SPTBN1: variants seen among roughly 807,000 people sequenced by gnomAD.
SPTBN1 encodes spectrin beta, non-erythrocytic 1.
Under a neutral mutation model 266.4 loss-of-function variants are expected in SPTBN1, and 32 were observed. The ratio of observed to expected loss-of-function variants is 0.12; its 90% CI spans 0.09 to 0.16. SPTBN1 has a LOEUF of 0.16. SPTBN1 is among the 10% of genes least tolerant of loss of function. The pLI is 1.00. For synonymous variants in SPTBN1, 1,336 were observed against 1,162.2 expected (o/e 1.15, Z -3.04); for missense variants, 2,296 against 3,067.1 (o/e 0.75, Z 5.94).
At chr2:54,640,797 C>G (rs981261574) in intron 18 of SPTBN1, among the ~76,000 whole-genome samples, 2 of 152,338 alleles carry the variant, frequency 1.3e-5, no homozygotes, top group East Asian at 3.9e-4. Context: ...AGTGACCCAC[C>G]CGCCTTGGCC....
At position 54,618,212 on chromosome 2, in the gene SPTBN1, A is replaced by G; in HGVS notation, c.763+19A>G. The G allele has an allele frequency of 6.2e-7, 1 of 1,603,896 alleles. No homozygotes were observed. The highest frequency in any genetic ancestry group is 1.1e-5 in the South Asian group (1 of 90,852). On this transcript the variant is annotated intron_variant, in intron 7 of 35. Transcript: ENST00000356805. ...CCCGAAGGTAGGGACTCAAGGGATT[A>G]CAGGTGGGATTTTTAGCATCTGTAC...
chr2:54,578,419 C>T (rs1165065136), intron 2 of SPTBN1, among the ~76,000 whole-genome samples: 6 of 152,116 alleles, frequency 3.9e-5, no homozygotes, highest in Non-Finnish European at 7.3e-5. Context: ...TGTGATGTCC[C>T]TGTGTGAATA....
intron 3 of SPTBN1, among the ~76,000 whole-genome samples, chr2:54,609,326 C>T (rs777464291): frequency 3.9e-5 from 6 of 152,218 alleles, no homozygotes; most frequent in Admixed American, 6.5e-5. Flanking sequence ...ACCTTCACCC[C>T]TCTACCTTTT....
In SPTBN1 at chr2:54,671,313, G is replaced by A. The variant is rs1290980373; in HGVS notation, c.*2744G>A. On this transcript the variant is annotated 3_prime_UTR_variant, in exon 36 of 36. Transcript: ENST00000356805. The stretch of plus-strand genomic sequence containing the variant: ...TAGGTGAAACACTGTATCAGACTGG[G>A]TGATGGGCACATTGTCATTTCACCA... 2 of 152,334 alleles carry A rather than the reference G, an allele frequency of 1.3e-5. No homozygotes were observed. The highest frequency in any genetic ancestry group is 2.9e-5 in the Non-Finnish European group (2 of 68,160). 9.4% of individuals were successfully genotyped at this position (152,334 alleles called of 1,614,324 possible).
intron 18 of SPTBN1, among the ~76,000 whole-genome samples, chr2:54,642,536 T>TTG (rs1558460711): frequency 6.6e-6 from 1 of 151,544 alleles, no homozygotes; most frequent in African/African-American, 2.4e-5. Flanking sequence ...GTAGTTTTTT[T>TTG]TTTTTTTTTT....
At chr2:54,622,239 C>A in intron 8 of SPTBN1, 61 bp from the exon 9 acceptor site, 10 of 1,479,464 alleles carry the variant, frequency 6.8e-6, no homozygotes, top group Non-Finnish European at 8.3e-6. Context: ...TATAGGGTTA[C>A]AATCGTATTT....
At chr2:54,459,466 T>A (rs1471944340) in intron 1 of SPTBN1, among the ~76,000 whole-genome samples, 2 of 152,236 alleles carry the variant, frequency 1.3e-5, no homozygotes, top group Non-Finnish European at 2.9e-5. Context: ...CATGTGGAAG[T>A]ACTATTTTGA....
chr2:54,522,323 T>C (rs1218589584), intron 1 of SPTBN1, among the ~76,000 whole-genome samples: 2 of 152,108 alleles, frequency 1.3e-5, no homozygotes, highest in Non-Finnish European at 2.9e-5. Flanking sequence ...ACAAGAATTA[T>C]CACTTACTTA....
At chr2:54,525,806 C>G (rs570610478) in intron 1 of SPTBN1, among the ~76,000 whole-genome samples, 13 of 152,306 alleles carry the variant, frequency 8.5e-5, no homozygotes, top group South Asian at 2.1e-4. Context: ...TATCGGCTCA[C>G]TACAACCTCC....
rs1674061699 is a variant in SPTBN1 at position 54,571,469 on chromosome 2, C to T, written c.149-27623C>T. On this transcript the variant is annotated intron_variant, in intron 2 of 35. Coordinates refer to ENST00000356805, the MANE Select transcript of SPTBN1 (RefSeq NM_003128.3). ...AAACATTCCACATCCGGGGAATCTT[C>T]CTCAGTCCCAGGCACACTGGGTGGT... is the stretch of plus-strand genomic sequence containing the variant. 2.6e-5 allele frequency among the ~76,000 whole-genome samples: 4 copies of T among 151,932 alleles called. No homozygotes were observed. The South Asian group carries it at 8.3e-4, about 32-fold the overall frequency.
At chr2:54,585,359 C>A (rs1420869018) in intron 2 of SPTBN1, among the ~76,000 whole-genome samples, 3 of 152,148 alleles carry the variant, frequency 2.0e-5, no homozygotes, top group African/African-American at 4.8e-5. Context: ...ATGGTGCTAC[C>A]CTGCCTGTTG....
chr2:54,603,828 TTA>T (rs1176618401), intron 3 of SPTBN1, among the ~76,000 whole-genome samples: 1 of 152,152 alleles, frequency 6.6e-6, no homozygotes, highest in Non-Finnish European at 1.5e-5. Flanking sequence ...CTATGTTTAA[TTA>T]AAAGAAAAAA....
rs1558490857 is a variant in SPTBN1, at chr2:54,670,292, A to G, written c.*1723A>G. On this transcript the variant is annotated 3_prime_UTR_variant, in exon 36 of 36. Coordinates refer to ENST00000356805, the MANE Select transcript of SPTBN1 (RefSeq NM_003128.3). ...TTCAGCATAGAGTCGTGGGTTATTT[A>G]CAAGTGACATACTTTTCCTGGGTTA... 6.3e-6 allele frequency: 1 copy of G among 159,120 alleles called. No homozygotes were observed. The highest frequency in any genetic ancestry group is 1.4e-5 in the Non-Finnish European group (1 of 73,158). 9.9% of individuals were successfully genotyped at this position (159,120 alleles called of 1,614,324 possible).
chr2:54,667,926 G>A lies in SPTBN1; in HGVS notation c.6876+280G>A, dbSNP rs1681472885. On this transcript the variant is annotated intron_variant, in intron 35 of 35. Transcript: ENST00000356805. ...GCATAGTGAGGTGGTCCCAGGACTG[G>A]TTGTGGATCATGATGGGACCCCCGC... 3.3e-5 allele frequency among the ~76,000 whole-genome samples: 5 copies of A among 152,316 alleles called. No individual in the cohort carries two copies. In the South Asian group the frequency reaches 1.0e-3, roughly 32 times the overall value.
rs71408777 is a variant in SPTBN1, at chr2:54,594,833, C to CTTTTTTTTTTTTTTTTT, written c.149-4257_149-4241dup. Among the ~76,000 whole-genome samples the CTTTTTTTTTTTTTTTTT allele has an allele frequency of 1.1e-4, 12 of 104,676 alleles. 1 individual carries two copies. The highest frequency in any genetic ancestry group is 4.0e-4 in the African/African-American group (8 of 19,770). 68.7% of individuals were successfully genotyped at this position (104,676 alleles called of 152,430 possible). A position where few individuals can be genotyped will look rare whatever the true frequency, so the allele number is the denominator to read the frequency against. ...GATTCCATGACCCTCTGGTAAGTTTCTTTTTTTTTTTTTTTTTTGAGACAG... is the reference window on the plus strand; with the variant it reads ...GATTCCATGACCCTCTGGTAAGTTTCTTTTTTTTTTTTTTTTTTTTTTTTTTTTTTTTTTTGAGACAG... On this transcript the variant is annotated intron_variant, in intron 2 of 35. Coordinates refer to ENST00000356805, the MANE Select transcript of SPTBN1 (RefSeq NM_003128.3).
chr2:54,570,554 A>G (rs1573438361), intron 2 of SPTBN1, among the ~76,000 whole-genome samples: 1 of 152,270 alleles, frequency 6.6e-6, no homozygotes, highest in Middle Eastern at 3.4e-3. Context: ...TCCCTCCACC[A>G]AGAGTGCAAC....
chr2:54,650,076 T>C, intron 26 of SPTBN1, 87 bp downstream of exon 26: 3 of 1,487,088 alleles, frequency 2.0e-6, no homozygotes, highest in Non-Finnish European at 2.7e-6. Context: ...CCCTGTTCCT[T>C]GGCTCTTCAA....
chr2:54,557,943 C>CG, intron 2 of SPTBN1: 17 of 985,218 alleles, frequency 1.7e-5, no homozygotes, highest in Non-Finnish European at 2.0e-5. Context: ...CTGGGGCAGT[C>CG]GCGCGCGCCC....
chr2:54,663,751 CT>C (rs1187489339), intron 32 of SPTBN1: 5 of 152,194 alleles, frequency 3.3e-5, no homozygotes, highest in Non-Finnish European at 7.3e-5. Context: ...TTAACACAAA[CT>C]ACAACCCACT....
Sources: allele counts gnomAD v4.1 joint callset (sites outside exome capture counted in the v4.1 genomes callset), GRCh38; gene constraint gnomAD v4.1.1; transcripts MANE v1.5; gene names NCBI Gene and HGNC (gene_info 2026-07-23, HGNC 2026-07-21).